The following KHDRBS2 variants were observed in gnomAD, a reference collection of about 807,000 sequenced individuals.
KHDRBS2 encodes the protein KH RNA binding domain containing, signal transduction associated 2, also known as KH domain-containing, RNA-binding, signal transduction-associated protein 2.
A neutral mutation model predicts 44.3 loss-of-function variants in KHDRBS2; 26 were observed. The observed-to-expected ratio is 0.59, with a 90% CI of 0.43 to 0.81. The LOEUF is 0.81. Ranked by LOEUF, KHDRBS2 falls within the 40% of genes least tolerant of loss-of-function variation. KHDRBS2 has a pLI of 0.00. For synonymous variants in KHDRBS2, 194 were observed against 151.1 expected, an observed-to-expected ratio of 1.28 and a Z score of -2.08; for missense variants, 476 against 433.1, an observed-to-expected ratio of 1.10 and a Z score of -0.88.
intron 1 of KHDRBS2, among the ~76,000 whole-genome samples, chr6:62,258,419 T>C (rs1040486853): frequency 1.1e-4 from 17 of 152,018 alleles, no homozygotes; most frequent in African/African-American, 3.6e-4. Context: ...TGGTATGTCA[T>C]ACTTCTTACT....
chr6:61,774,351 A>G (rs1041160110), intron 6 of KHDRBS2, among the ~76,000 whole-genome samples: 2 of 151,262 alleles, frequency 1.3e-5, no homozygotes, highest in Non-Finnish European at 1.5e-5. Flanking sequence ...AAGAGGTCCA[A>G]TCATGTCCCT....
At chr6:62,168,274 C>G (rs1268827424) in intron 2 of KHDRBS2, among the ~76,000 whole-genome samples, 4 of 152,038 alleles carry the variant, frequency 2.6e-5, no homozygotes, top group African/African-American at 9.7e-5. Flanking sequence ...GGCAGTAACT[C>G]AAGTCAAGAA....
Position 62,279,096 on chromosome 6 carries a change from A to AAAAT in KHDRBS2, c.91+6758_91+6761dup, listed in dbSNP as rs571362036. On this transcript the variant is annotated intron_variant, in intron 1 of 8. Transcript: ENST00000281156. ...GTGACAGAGCCAGACTCCATCTCAA[A>AAAAT]AAATAAATAAATAAATAAATAAAAA... 7.7e-3 allele frequency among the ~76,000 whole-genome samples: 1,177 copies of AAAAT among 152,048 alleles called. 12 individuals carry two copies. The highest frequency in any genetic ancestry group is 0.029 in the South Asian group (139 of 4,798).
At chr6:61,672,716 G>C in the KHDRBS2 span, among the ~76,000 whole-genome samples, 2 of 151,636 alleles carry the variant, frequency 1.3e-5, no homozygotes, top group African/African-American at 4.9e-5. Flanking sequence ...TTGTAAATTT[G>C]TTTGAGTTCA....
intron 6 of KHDRBS2, among the ~76,000 whole-genome samples, chr6:61,863,334 T>C (rs1267231148): frequency 2.0e-5 from 3 of 151,888 alleles, no homozygotes; most frequent in Non-Finnish European, 2.9e-5. Flanking sequence ...CTGTCAGTGT[T>C]AGGGTGCCTT....
chr6:62,017,438 A>T (rs1168081986), intron 3 of KHDRBS2, among the ~76,000 whole-genome samples: 1 of 152,140 alleles, frequency 6.6e-6, no homozygotes, highest in African/African-American at 2.4e-5. Context: ...TCAATCCTCA[A>T]ATTGCAAACT....
chr6:61,769,503 C>A (rs1780508888), intron 6 of KHDRBS2, among the ~76,000 whole-genome samples: 2 of 152,290 alleles, frequency 1.3e-5, no homozygotes, highest in African/African-American at 2.4e-5. Context: ...AACGGCACAC[C>A]AGGAGATTAT....
intron 1 of KHDRBS2, among the ~76,000 whole-genome samples, chr6:62,198,977 A>C (rs1251842407): frequency 6.6e-6 from 1 of 152,180 alleles, no homozygotes; most frequent in East Asian, 1.9e-4. Context: ...ACAGAACCAA[A>C]GACAAAAACC....
chr6:61,945,150 T>TATATAA (rs371595813), intron 4 of KHDRBS2, among the ~76,000 whole-genome samples: 1 of 86,996 alleles, frequency 1.1e-5, no homozygotes, highest in Non-Finnish European at 2.3e-5. Context: ...TATATATATA[T>TATATAA]ACACACAGAC....
At chr6:62,251,363 G>A (rs943881245) in intron 1 of KHDRBS2, among the ~76,000 whole-genome samples, 2 of 151,792 alleles carry the variant, frequency 1.3e-5, no homozygotes, top group Non-Finnish European at 2.9e-5. Context: ...GTAAAAATAT[G>A]TAAATTTGGG....
chr6:62,120,174 G>A (rs1253794666), intron 2 of KHDRBS2, among the ~76,000 whole-genome samples: 1 of 152,160 alleles, frequency 6.6e-6, no homozygotes, highest in Non-Finnish European at 1.5e-5. Context: ...TTGGTTAGCT[G>A]AAATAGGAAT....
chr6:61,821,792 T>TA (rs112177151), intron 6 of KHDRBS2, among the ~76,000 whole-genome samples: 10,104 of 151,902 alleles, frequency 0.067, 395 homozygotes, highest in Middle Eastern at 0.13. Context: ...TGTTAAGATT[T>TA]TTTTTTCCAT....
At chr6:61,852,507 T>A (rs1417320878) in intron 6 of KHDRBS2, among the ~76,000 whole-genome samples, 1 of 147,166 alleles carries the variant, frequency 6.8e-6, no homozygotes, top group African/African-American at 2.5e-5. Context: ...GAGGCTGCAG[T>A]GAGACGAGAT....
chr6:62,258,268 G>C (rs140693467), intron 1 of KHDRBS2, among the ~76,000 whole-genome samples: 46 of 152,132 alleles, frequency 3.0e-4, no homozygotes, highest in African/African-American at 9.9e-4. Context: ...CCAGTCTATA[G>C]TAACACAGTG....
chr6:61,607,851 C>T, the KHDRBS2 span, among the ~76,000 whole-genome samples: 1 of 152,238 alleles, frequency 6.6e-6, no homozygotes, highest in African/African-American at 2.4e-5. Context: ...CCACGCCTGG[C>T]TATTTTTTGT....
At chr6:61,629,600 G>C in the KHDRBS2 span, among the ~76,000 whole-genome samples, 4 of 152,154 alleles carry the variant, frequency 2.6e-5, no homozygotes, top group Admixed American at 6.5e-5. Flanking sequence ...ATAAGTGACT[G>C]CAGGGAATTC....
At chr6:62,070,463 A>G (rs1159417430) in intron 2 of KHDRBS2, among the ~76,000 whole-genome samples, 3 of 151,816 alleles carry the variant, frequency 2.0e-5, no homozygotes, top group Non-Finnish European at 2.9e-5. Flanking sequence ...AACATTAGGT[A>G]TATCTCCTAA....
intron 2 of KHDRBS2, among the ~76,000 whole-genome samples, chr6:62,066,007 T>A (rs1027415042): frequency 2.0e-5 from 3 of 151,710 alleles, no homozygotes; most frequent in Non-Finnish European, 4.4e-5. Flanking sequence ...ATGTTTTAAA[T>A]GTTTTTCATC....
At chr6:61,982,216 T>TAC (rs762841304) in intron 3 of KHDRBS2, among the ~76,000 whole-genome samples, 130 of 150,194 alleles carry the variant, frequency 8.7e-4, no homozygotes, top group Non-Finnish European at 1.8e-3. Flanking sequence ...TCACTGCAAA[T>TAC]ATATATATAT....
Sources: allele counts gnomAD v4.1 joint callset (sites outside exome capture counted in the v4.1 genomes callset), GRCh38; gene constraint gnomAD v4.1.1; transcripts MANE v1.5; gene names NCBI Gene and HGNC (gene_info 2026-07-23, HGNC 2026-07-21).